The following RUNDC3B variants were observed in gnomAD, a reference collection of about 807,000 sequenced individuals.
RUNDC3B encodes RUN domain containing 3B.
In RUNDC3B, 33 loss-of-function variants were observed where a neutral mutation model predicts 58.4. The observed-to-expected ratio is 0.56, with a 90% CI of 0.43 to 0.75. The LOEUF (loss-of-function observed/expected upper bound fraction) is 0.75. RUNDC3B is among the 30% of genes least tolerant of loss of function. The pLI, the probability that RUNDC3B is intolerant of heterozygous loss-of-function variation, is 0.00. For synonymous variants in RUNDC3B, 193 were observed against 195.2 expected (o/e 0.99, Z 0.10); for missense variants, 501 against 535.7 (o/e 0.94, Z 0.64).
chr7:87,711,852 CT>C (rs1246031579), intron 4 of RUNDC3B, among the ~76,000 whole-genome samples: 1 of 152,088 alleles, frequency 6.6e-6, no homozygotes, highest in Non-Finnish European at 1.5e-5. Flanking sequence ...AACTACCGTT[CT>C]TTTTTCTACC....
chr7:87,783,660 C>T (rs1029673123), intron 8 of RUNDC3B, among the ~76,000 whole-genome samples: 1 of 152,136 alleles, frequency 6.6e-6, no homozygotes, highest in African/African-American at 2.4e-5. Flanking sequence ...TCTGTGTCTA[C>T]AACTCCCTCA....
At chr7:87,806,289 A>T (rs1210406280) in intron 8 of RUNDC3B, among the ~76,000 whole-genome samples, 1 of 152,166 alleles carries the variant, frequency 6.6e-6, no homozygotes, top group Non-Finnish European at 1.5e-5. Context: ...TATCATTGTA[A>T]ACAGCCAGGG....
Position 87,716,796 on chromosome 7 carries a change from G to A in RUNDC3B, c.458+6141G>A, listed in dbSNP as rs994447845. ...AAATTTAAAACAAGTAAAATTTTTGGTATTTGCAATGTAGTTTAATTGTGT... is the reference window on the plus strand; with the variant it reads ...AAATTTAAAACAAGTAAAATTTTTGATATTTGCAATGTAGTTTAATTGTGT... On this transcript the variant is annotated intron_variant, in intron 4 of 10. Coordinates refer to ENST00000394654, the MANE Select transcript of RUNDC3B (RefSeq NM_001134405.2). 2.0e-5 allele frequency among the ~76,000 whole-genome samples: 3 copies of A among 152,100 alleles called. No individual in the cohort carries two copies. In the South Asian group the frequency reaches 6.2e-4, roughly 31 times the overall value.
intron 5 of RUNDC3B, among the ~76,000 whole-genome samples, chr7:87,740,734 A>T (rs1489804536): frequency 6.6e-6 from 1 of 152,144 alleles, no homozygotes; most frequent in Non-Finnish European, 1.5e-5. Flanking sequence ...AACTTTATTA[A>T]AATTTAATAA....
chr7:87,682,253 T>C (rs771540106), intron 2 of RUNDC3B, among the ~76,000 whole-genome samples: 12 of 152,232 alleles, frequency 7.9e-5, no homozygotes, highest in Admixed American at 2.0e-4. Context: ...CTTGAACCCC[T>C]CTAAGTCATC....
rs539494376 is a variant in RUNDC3B at position 87,668,227 on chromosome 7, G to A, written c.238+17290G>A. Among the ~76,000 whole-genome samples, 8 of 151,882 alleles carry A rather than the reference G, an allele frequency of 5.3e-5. No homozygotes were observed. The South Asian group carries it at 1.0e-3, about 20-fold the overall frequency. On this transcript the variant is annotated intron_variant, in intron 2 of 10. Coordinates refer to ENST00000394654, the MANE Select transcript of RUNDC3B (RefSeq NM_001134405.2). ...GGCTCTGTCTTGAGAGAGTGTATACGTCCAGGAATTTACTCATCTCTTCTA... is the reference window on the plus strand; with the variant it reads ...GGCTCTGTCTTGAGAGAGTGTATACATCCAGGAATTTACTCATCTCTTCTA...
chr7:87,700,956 CA>C (rs1284276064), intron 3 of RUNDC3B, among the ~76,000 whole-genome samples: 1 of 152,220 alleles, frequency 6.6e-6, no homozygotes, highest in African/African-American at 2.4e-5. Flanking sequence ...CCCCACCATG[CA>C]CTCAGTATTT....
At chr7:87,778,010 TGTC>T in intron 8 of RUNDC3B, 55 bp downstream of exon 8, 1 of 1,474,266 alleles carries the variant, frequency 6.8e-7, no homozygotes. Flanking sequence ...TAAGACAAAA[TGTC>T]GTGTTTTGAT....
At chr7:87,655,508 TC>T (rs1259076916) in intron 2 of RUNDC3B, among the ~76,000 whole-genome samples, 6 of 152,092 alleles carry the variant, frequency 3.9e-5, no homozygotes, top group Non-Finnish European at 8.8e-5. Context: ...ATACATGGCA[TC>T]TAAAAAAGTT....
chr7:87,689,582 ATTAC>A (rs1827823916), intron 2 of RUNDC3B, among the ~76,000 whole-genome samples: 1 of 152,162 alleles, frequency 6.6e-6, no homozygotes. Context: ...TATTGCTAAT[ATTAC>A]TTTATTGTGC....
At chr7:87,823,783 C>CATAT (rs148619294) in intron 10 of RUNDC3B, among the ~76,000 whole-genome samples, 26 of 149,408 alleles carry the variant, frequency 1.7e-4, no homozygotes, top group African/African-American at 4.7e-4. Context: ...TATTCCATTT[C>CATAT]ATATATATAC....
intron 4 of RUNDC3B, among the ~76,000 whole-genome samples, chr7:87,725,238 CA>C (rs1212313931): frequency 6.6e-6 from 1 of 152,152 alleles, no homozygotes; most frequent in African/African-American, 2.4e-5. Context: ...TTTCCCTCCC[CA>C]CTCCCCGCAC....
chr7:87,758,802 G>A (rs1460210376), intron 6 of RUNDC3B, among the ~76,000 whole-genome samples: 1 of 152,172 alleles, frequency 6.6e-6, no homozygotes, highest in Non-Finnish European at 1.5e-5. Context: ...TAGTTAAAAT[G>A]TCCTTTATTC....
chr7:87,683,571 C>T (rs1056770605), intron 2 of RUNDC3B, among the ~76,000 whole-genome samples: 15 of 152,080 alleles, frequency 9.9e-5, no homozygotes, highest in African/African-American at 3.1e-4. Flanking sequence ...GGGAAATGGC[C>T]GGTAGCTGGA....
In RUNDC3B at chr7:87,650,731, A is replaced by G. The variant is rs985594749; in HGVS notation, c.123-91A>G. ...TATACTCTTGTAAAATATTTTTACA[A>G]CTCTTCCCCAAATTGCCTTCCTCCC... On this transcript the variant is annotated intron_variant, in intron 1 of 10. Coordinates refer to ENST00000394654, the MANE Select transcript of RUNDC3B (RefSeq NM_001134405.2). 1.8e-5 allele frequency: 13 copies of G among 740,214 alleles called. No homozygotes were observed. The African/African-American group carries it at 2.1e-4, about 12-fold the overall frequency. 45.9% of individuals were successfully genotyped at this position (740,214 alleles called of 1,614,324 possible).
At chr7:87,715,427 T>C (rs1830495337) in intron 4 of RUNDC3B, among the ~76,000 whole-genome samples, 1 of 129,726 alleles carries the variant, frequency 7.7e-6, no homozygotes, top group African/African-American at 2.9e-5. Context: ...ATATTTAATA[T>C]ATAATTATAT....
At chr7:87,672,403 C>T (rs1361032987) in intron 2 of RUNDC3B, among the ~76,000 whole-genome samples, 1 of 152,132 alleles carries the variant, frequency 6.6e-6, no homozygotes, top group Non-Finnish European at 1.5e-5. Flanking sequence ...CTGGACGCTC[C>T]TCCCTAGGGA....
chr7:87,750,169 A>G (rs181050063), intron 6 of RUNDC3B, among the ~76,000 whole-genome samples: 7,325 of 151,954 alleles, frequency 0.048, 262 homozygotes, highest in East Asian at 0.092. Flanking sequence ...GAGAATGATG[A>G]TTTCCAATTT....
At chr7:87,779,804 C>T (rs1365359129) in intron 8 of RUNDC3B, among the ~76,000 whole-genome samples, 1 of 151,354 alleles carries the variant, frequency 6.6e-6, no homozygotes, top group East Asian at 1.9e-4. Flanking sequence ...TTCTCATAGT[C>T]CCCTGTGTCT....
Sources: gnomAD v4.1 joint callset for allele counts (sites outside exome capture counted in the v4.1 genomes callset) on GRCh38, gnomAD v4.1.1 for gene constraint, MANE v1.5 for transcripts, NCBI Gene and HGNC (gene_info 2026-07-23, HGNC 2026-07-21) for gene names.